The following IQCJ variants were observed in gnomAD, a reference collection of about 807,000 sequenced individuals.
The protein encoded by IQCJ is IQ domain-containing protein J.
Under a neutral mutation model 11.0 loss-of-function variants are expected in IQCJ, and 9 were observed. The ratio of observed to expected loss-of-function variants is 0.82; its 90% CI spans 0.49 to 1.43. IQCJ has a LOEUF of 1.43. IQCJ is among the 40% of genes most tolerant of loss of function. The pLI is 0.00. For missense variants in IQCJ, 146 were observed against 133.2 expected (o/e 1.10, Z -0.47); for synonymous variants, 55 against 51.3 (o/e 1.07, Z -0.31).
At chr3:159,217,946 T>C (rs536878236) in intron 1 of IQCJ, among the ~76,000 whole-genome samples, 1 of 152,180 alleles carries the variant, frequency 6.6e-6, no homozygotes, top group African/African-American at 2.4e-5. Context: ...GAAAGCTCCT[T>C]GAGGACAGTG....
intron 1 of IQCJ, among the ~76,000 whole-genome samples, chr3:159,133,408 CATG>C (rs1385940941): frequency 6.6e-6 from 1 of 152,200 alleles, no homozygotes; most frequent in Non-Finnish European, 1.5e-5. Context: ...CCCAAGTCTG[CATG>C]ATAACTGCCA....
intron 1 of IQCJ, among the ~76,000 whole-genome samples, chr3:159,101,985 G>A (rs544026235): frequency 6.6e-6 from 1 of 152,308 alleles, no homozygotes; most frequent in African/African-American, 2.4e-5. Context: ...CTGCTTTTCA[G>A]CTTCAGAAAA....
intron 2 of IQCJ, 57 bp downstream of exon 2, chr3:159,245,964 GA>G: frequency 7.5e-7 from 1 of 1,329,884 alleles, no homozygotes. Context: ...TGAGTAAAAA[GA>G]AAATCTTTCT....
At chr3:159,091,674 GCACACACACACACA>G (rs1170628138) in intron 1 of IQCJ, among the ~76,000 whole-genome samples, 43 of 81,310 alleles carry the variant, frequency 5.3e-4, no homozygotes, top group Admixed American at 1.2e-3. Flanking sequence ...ACACACGCAT[GCACACACACACACA>G]CACACACACA....
intron 1 of IQCJ, among the ~76,000 whole-genome samples, chr3:159,072,104 C>T (rs1261919738): frequency 3.9e-5 from 6 of 152,088 alleles, no homozygotes; most frequent in Admixed American, 1.3e-4. Flanking sequence ...TTAAAGATAC[C>T]ATTCCTGCTA....
chr3:159,236,911 G>A (rs1726627555), intron 1 of IQCJ, among the ~76,000 whole-genome samples: 1 of 152,126 alleles, frequency 6.6e-6, no homozygotes, highest in African/African-American at 2.4e-5. Flanking sequence ...ATTATTGAAT[G>A]GTCAAAAGCA....
At chr3:159,155,863 C>A (rs2108210363) in intron 1 of IQCJ, among the ~76,000 whole-genome samples, 1 of 152,086 alleles carries the variant, frequency 6.6e-6, no homozygotes, top group East Asian at 1.9e-4. Context: ...TGCATATTAC[C>A]ATGTTATGTA....
chr3:159,125,853 G>A (rs1005596129), intron 1 of IQCJ, among the ~76,000 whole-genome samples: 1 of 152,220 alleles, frequency 6.6e-6, no homozygotes, highest in Admixed American at 6.5e-5. Flanking sequence ...GGCACCTCCA[G>A]TAGGAGCAGA....
intron 1 of IQCJ, among the ~76,000 whole-genome samples, chr3:159,134,369 G>C (rs1303737018): frequency 6.6e-6 from 1 of 152,120 alleles, no homozygotes; most frequent in Admixed American, 6.5e-5. Context: ...GGTTACACAA[G>C]AGCGTGAACA....
intron 1 of IQCJ, among the ~76,000 whole-genome samples, chr3:159,158,977 C>G (rs1721687160): frequency 6.6e-6 from 1 of 152,168 alleles, no homozygotes; most frequent in African/African-American, 2.4e-5. Flanking sequence ...GTAGGCCACA[C>G]AGAGCCACAT....
Position 159,262,416 on chromosome 3 carries a change from C to T in IQCJ, c.156-132C>T, listed in dbSNP as rs1728263562. 9 of 1,373,940 alleles carry T rather than the reference C, an allele frequency of 6.6e-6. No individual in the cohort carries two copies. In the South Asian group the frequency reaches 1.0e-4, roughly 16 times the overall value. The allele number at this position is 1,373,940 out of a possible 1,614,324, so 85.1% of individuals were successfully genotyped here. ...TCAGGTCTCCTGATTCACTACATCA[C>T]ATTCTGTATGTTCTACTTCCCTTGG... is the stretch of plus-strand genomic sequence containing the variant. On this transcript the variant is annotated intron_variant, in intron 3 of 3. Coordinates refer to ENST00000397832, the MANE Select transcript of IQCJ (RefSeq NM_001042706.3).
At chr3:159,147,208 A>C (rs1720969856) in intron 1 of IQCJ, among the ~76,000 whole-genome samples, 1 of 152,260 alleles carries the variant, frequency 6.6e-6, no homozygotes, top group Admixed American at 6.5e-5. Context: ...GAGAATAGAC[A>C]GAAGCATTTG....
intron 3 of IQCJ, among the ~76,000 whole-genome samples, chr3:159,259,335 T>C (rs1306007934): frequency 6.6e-6 from 1 of 152,198 alleles, no homozygotes; most frequent in Admixed American, 6.5e-5. Flanking sequence ...TATTTATAAT[T>C]CAAAATATAG....
At chr3:159,181,714 C>T (rs2108016287) in intron 1 of IQCJ, among the ~76,000 whole-genome samples, 1 of 151,800 alleles carries the variant, frequency 6.6e-6, no homozygotes, top group East Asian at 1.9e-4. Flanking sequence ...AGAATCCTTC[C>T]ACATCCATAA....
chr3:159,235,403 G>A (rs1726517874), intron 1 of IQCJ, among the ~76,000 whole-genome samples: 1 of 152,164 alleles, frequency 6.6e-6, no homozygotes, highest in Non-Finnish European at 1.5e-5. Context: ...TGAATGTCAT[G>A]ATCTAAAACT....
chr3:159,243,189 T>C (rs1466777811), intron 1 of IQCJ, among the ~76,000 whole-genome samples: 2 of 152,228 alleles, frequency 1.3e-5, no homozygotes, highest in African/African-American at 4.8e-5. Flanking sequence ...TGGAAGTTTC[T>C]TTATAAGTTA....
chr3:159,124,596 T>C (rs1719563749), intron 1 of IQCJ, among the ~76,000 whole-genome samples: 1 of 152,186 alleles, frequency 6.6e-6, no homozygotes, highest in Non-Finnish European at 1.5e-5. Context: ...ATGACTTTAC[T>C]GCACTCCTCA....
chr3:159,164,795 C>T (rs998075633), intron 1 of IQCJ, among the ~76,000 whole-genome samples: 8 of 152,164 alleles, frequency 5.3e-5, no homozygotes, highest in Non-Finnish European at 1.0e-4. Flanking sequence ...GGTTCAGCTG[C>T]GTGTGACAGA....
intron 2 of IQCJ, among the ~76,000 whole-genome samples, chr3:159,249,771 C>T (rs567589996): frequency 6.6e-6 from 1 of 152,302 alleles, no homozygotes; most frequent in Non-Finnish European, 1.5e-5. Flanking sequence ...ATTGGTTATT[C>T]CCCCTTGGAA....
Sources: allele counts gnomAD v4.1 joint callset (sites outside exome capture counted in the v4.1 genomes callset), GRCh38; gene constraint gnomAD v4.1.1; transcripts MANE v1.5; gene names NCBI Gene and HGNC (gene_info 2026-07-23, HGNC 2026-07-21).